Variants in UTRN observed in about 807,000 individuals in gnomAD.
The protein encoded by UTRN is dystrophin-related protein 1.
Under a neutral mutation model 463.9 loss-of-function variants are expected in UTRN, and 283 were observed. That is an observed-to-expected ratio of 0.61 (90% CI 0.55 to 0.67). The LOEUF is 0.67. UTRN is among the 30% of genes least tolerant of loss of function. UTRN has a pLI of 0.00. For synonymous variants in UTRN, 1,442 were observed against 1,431.5 expected, an observed-to-expected ratio of 1.01 and a Z score of -0.17; for missense variants, 3,922 against 4,084.3, an observed-to-expected ratio of 0.96 and a Z score of 1.08.
At chr6:144,331,345 C>T (rs1776318733) in intron 2 of UTRN, among the ~76,000 whole-genome samples, 1 of 152,076 alleles carries the variant, frequency 6.6e-6, no homozygotes, top group South Asian at 2.1e-4. Flanking sequence ...GAACTTGGCA[C>T]TTAATGCGTG....
intron 6 of UTRN, 73 bp downstream of exon 6, chr6:144,424,151 C>A: frequency 6.7e-7 from 1 of 1,502,932 alleles, no homozygotes; most frequent in Non-Finnish European, 9.2e-7. Context: ...CTTAAGGCTG[C>A]CGTAACCAAG....
intron 52 of UTRN, among the ~76,000 whole-genome samples, chr6:144,684,288 G>T (rs1782517412): frequency 6.6e-6 from 1 of 152,200 alleles, no homozygotes; most frequent in South Asian, 2.1e-4. Flanking sequence ...GACCTCAGGT[G>T]ACCCACTCGC....
intron 12 of UTRN, among the ~76,000 whole-genome samples, chr6:144,439,517 G>T (rs113326534): frequency 0.022 from 3,349 of 151,172 alleles, 134 homozygotes; most frequent in African/African-American, 0.077. Flanking sequence ...TTTTGAGATG[G>T]AGTCTTGCTC....
chr6:144,677,363 G>A (rs111828914), intron 51 of UTRN, among the ~76,000 whole-genome samples: 7 of 152,200 alleles, frequency 4.6e-5, no homozygotes, highest in East Asian at 3.9e-4. Flanking sequence ...GAGAACATGC[G>A]GTGTTTGGTT....
chr6:144,826,352 A>G (rs1780184243), intron 66 of UTRN, among the ~76,000 whole-genome samples: 1 of 152,138 alleles, frequency 6.6e-6, no homozygotes, highest in Admixed American at 6.6e-5. Context: ...GTAGGTATGT[A>G]TAATAGAAAT....
intron 3 of UTRN, among the ~76,000 whole-genome samples, chr6:144,418,402 T>A (rs990891098): frequency 4.0e-5 from 6 of 151,074 alleles, no homozygotes; most frequent in Non-Finnish European, 5.9e-5. Flanking sequence ...TTTTTGTATT[T>A]TTAGTAGAGA....
intron 1 of UTRN, among the ~76,000 whole-genome samples, chr6:144,288,961 G>A (rs1219863427): frequency 4.0e-5 from 6 of 151,780 alleles, no homozygotes; most frequent in Non-Finnish European, 5.9e-5. Context: ...ACAGGGTTTC[G>A]CCATGTTGGC....
At chr6:144,522,320 A>G (rs1796178224) in intron 40 of UTRN, 149 bp downstream of exon 40, 3 of 567,810 alleles carry the variant, frequency 5.3e-6, no homozygotes, top group Non-Finnish European at 8.1e-6. Flanking sequence ...GCTTTCCTAT[A>G]TTGTCAAAGA....
chr6:144,518,388 T>C (rs1253927641), intron 39 of UTRN, among the ~76,000 whole-genome samples: 1 of 152,256 alleles, frequency 6.6e-6, no homozygotes, highest in Non-Finnish European at 1.5e-5. Context: ...TGGCTCCTTA[T>C]GTCTTTGATG....
intron 46 of UTRN, among the ~76,000 whole-genome samples, chr6:144,547,130 A>C (rs1333732222): frequency 6.6e-6 from 1 of 152,120 alleles, no homozygotes; most frequent in Non-Finnish European, 1.5e-5. Context: ...GATGTAGGGT[A>C]TTTCATTTTA....
chr6:144,459,477 C>T, intron 21 of UTRN, 123 bp downstream of exon 21: 1 of 1,083,628 alleles, frequency 9.2e-7, no homozygotes, highest in Non-Finnish European at 1.3e-6. Context: ...TCCTTTGTGC[C>T]TGTATTGTTC....
At chr6:144,728,928 C>T (rs187378149) in intron 53 of UTRN, among the ~76,000 whole-genome samples, 81 of 152,288 alleles carry the variant, frequency 5.3e-4, no homozygotes, top group Middle Eastern at 3.4e-3. Context: ...TCCCTCCCCA[C>T]CTGTGAGGGT....
intron 51 of UTRN, among the ~76,000 whole-genome samples, chr6:144,580,258 T>G (rs1332407983): frequency 2.3e-5 from 3 of 132,596 alleles, no homozygotes; most frequent in Non-Finnish European, 4.8e-5. Context: ...ACAGTCTTTG[T>G]GCACTAAGGA....
chr6:144,344,407 A>G, intron 2 of UTRN: 1 of 1,246,952 alleles, frequency 8.0e-7, no homozygotes, highest in Admixed American at 2.5e-5. Context: ...AACAAAGCTT[A>G]GGACCAGGCT....
At chr6:144,827,291 TA>T in intron 66 of UTRN, 56 bp from the exon 67 acceptor site, 1 of 1,603,306 alleles carries the variant, frequency 6.2e-7, no homozygotes, top group South Asian at 1.1e-5. Flanking sequence ...GCTTTTGTCT[TA>T]AATTGCTCTA....
At position 144,531,216 on chromosome 6, in the gene UTRN, G is replaced by A; in HGVS notation, c.6057+14G>A. The A allele has an allele frequency of 6.2e-7, 1 of 1,613,254 alleles. No homozygotes were observed. The highest frequency in any genetic ancestry group is 8.5e-7 in the Non-Finnish European group (1 of 1,179,526). Reference sequence around the variant, plus strand: ...ATACATCAGCAGGTGAGTGCTTTCTGTTAGAGGAGGGGGACTGCACATATG... The same window carrying A: ...ATACATCAGCAGGTGAGTGCTTTCTATTAGAGGAGGGGGACTGCACATATG... On this transcript the variant is annotated intron_variant, in intron 42 of 74. Transcript: ENST00000367545.
intron 2 of UTRN, among the ~76,000 whole-genome samples, chr6:144,323,440 A>G (rs1275571207): frequency 6.6e-6 from 1 of 152,228 alleles, no homozygotes; most frequent in African/African-American, 2.4e-5. Flanking sequence ...GCTGGAAAAG[A>G]GCAAGGAGAT....
chr6:144,777,322 T>G (rs1403258753), intron 60 of UTRN, among the ~76,000 whole-genome samples: 1 of 152,200 alleles, frequency 6.6e-6, no homozygotes, highest in Non-Finnish European at 1.5e-5. Context: ...CATGATTTAA[T>G]CTTAGAACTA....
At chr6:144,485,205 T>C (rs1458571002) in intron 27 of UTRN, among the ~76,000 whole-genome samples, 180 bp from the exon 28 acceptor site, 1 of 152,174 alleles carries the variant, frequency 6.6e-6, no homozygotes, top group African/African-American at 2.4e-5. Context: ...ATTACAGGCG[T>C]GAGCCACCAC....
Sources: allele counts gnomAD v4.1 joint callset (sites outside exome capture counted in the v4.1 genomes callset), GRCh38; gene constraint gnomAD v4.1.1; transcripts MANE v1.5; gene names NCBI Gene and HGNC (gene_info 2026-07-23, HGNC 2026-07-21).